RASEF: variants seen among roughly 807,000 people sequenced by gnomAD.
RASEF encodes the protein RAS and EF-hand domain containing, also known as ras and EF-hand domain-containing protein.
In RASEF, 68 loss-of-function variants were observed where a neutral mutation model predicts 90.1. The observed-to-expected ratio is 0.75, with a 90% CI of 0.62 to 0.92. RASEF has a LOEUF of 0.92. RASEF is among the 40% of genes least tolerant of loss of function. RASEF has a pLI of 0.00. For synonymous variants in RASEF, 331 were observed against 345.2 expected, an observed-to-expected ratio of 0.96 and a Z score of 0.46; for missense variants, 949 against 937.2, an observed-to-expected ratio of 1.01 and a Z score of -0.16.
At chr9:83,191,258 C>T in the RASEF span, among the ~76,000 whole-genome samples, 2 of 152,300 alleles carry the variant, frequency 1.3e-5, no homozygotes, top group African/African-American at 4.8e-5. Flanking sequence ...CTTTCAATCA[C>T]TGAGAAAACC....
chr9:83,035,736 T>C (rs1829729589), intron 1 of RASEF, among the ~76,000 whole-genome samples: 1 of 151,498 alleles, frequency 6.6e-6, no homozygotes, highest in South Asian at 2.1e-4. Flanking sequence ...AAAATATTTC[T>C]ACTTTGGCAA....
chr9:83,139,592 C>A, the RASEF span, among the ~76,000 whole-genome samples: 4,108 of 152,080 alleles, frequency 0.027, 194 homozygotes, highest in African/African-American at 0.095. Context: ...CACTTGTCAT[C>A]TTCACAATGA....
At chr9:83,014,046 A>G (rs1829298995) in intron 4 of RASEF, among the ~76,000 whole-genome samples, 1 of 152,178 alleles carries the variant, frequency 6.6e-6, no homozygotes. Flanking sequence ...TCTTGTAGAC[A>G]TTCCTTTAAA....
At chr9:83,181,071 C>T in the RASEF span, among the ~76,000 whole-genome samples, 16 of 150,286 alleles carry the variant, frequency 1.1e-4, no homozygotes, top group African/African-American at 3.9e-4. Context: ...TTAGGCACCC[C>T]TTTTACTCTC....
In RASEF at chr9:82,982,640, G is replaced by T; in HGVS notation, c.*37C>A. ...ATAAGTCACACAAATTCAGTATTCTGGAAATGAAGACTTCACAGGCCAAGG... is the reference window on the plus strand; with the variant it reads ...ATAAGTCACACAAATTCAGTATTCTTGAAATGAAGACTTCACAGGCCAAGG... On this transcript the variant is annotated 3_prime_UTR_variant, in exon 17 of 17. Coordinates refer to ENST00000376447, the MANE Select transcript of RASEF (RefSeq NM_152573.4). 9.0e-7 allele frequency: 1 copy of T among 1,116,512 alleles called. No homozygotes were observed. The highest frequency in any genetic ancestry group is 1.4e-6 in the Non-Finnish European group (1 of 726,146). 69.2% of individuals were successfully genotyped at this position (1,116,512 alleles called of 1,614,324 possible). A position where few individuals can be genotyped will look rare whatever the true frequency, so the allele number is the denominator to read the frequency against.
chr9:83,129,182 G>A, the RASEF span, among the ~76,000 whole-genome samples: 3 of 151,956 alleles, frequency 2.0e-5, no homozygotes, highest in South Asian at 4.2e-4. Flanking sequence ...TGAGGTGGGC[G>A]GATCACAGGG....
intron 9 of RASEF, among the ~76,000 whole-genome samples, chr9:83,001,856 C>T (rs928520109): frequency 6.6e-6 from 1 of 152,162 alleles, no homozygotes; most frequent in African/African-American, 2.4e-5. Flanking sequence ...TTTTCTGCCA[C>T]TAAATGTTGA....
chr9:83,196,562 A>AAC, the RASEF span, among the ~76,000 whole-genome samples: 1 of 152,080 alleles, frequency 6.6e-6, no homozygotes, highest in Non-Finnish European at 1.5e-5. Flanking sequence ...TGCTTGCTGA[A>AAC]TCTCCTGCTG....
the RASEF span, among the ~76,000 whole-genome samples, chr9:83,117,917 T>C: frequency 6.6e-6 from 1 of 152,310 alleles, no homozygotes; most frequent in South Asian, 2.1e-4. Context: ...GTGGCAGAAA[T>C]GTTTTCAACA....
At position 83,009,710 on chromosome 9, in the gene RASEF, A is replaced by G. The variant is rs765702706; in HGVS notation, c.890T>C (p.Ile297Thr). ...KKDLLEAQTNIAFLQSELDAL... is the reference protein window; with the variant it reads ...KKDLLEAQTNTAFLQSELDAL... ...ATCTAACTCACTCTGAAGAAAGGCT[A>G]TGTTTGTCTGTGCTTCTAAAAGGTC... Residue 297 changes from isoleucine to threonine, a missense_variant, in exon 6 of 17, where the codon ATA (isoleucine) becomes ACA (threonine). Physicochemically the swap from Ile to Thr is moderately conservative, Grantham distance 89. Coordinates refer to ENST00000376447, the MANE Select transcript of RASEF (RefSeq NM_152573.4). 6.2e-6 allele frequency: 10 copies of G among 1,613,648 alleles called. No homozygotes were observed. The highest frequency in any genetic ancestry group is 8.5e-6 in the Non-Finnish European group (10 of 1,179,686).
At chr9:83,149,678 T>G in the RASEF span, among the ~76,000 whole-genome samples, 1 of 152,088 alleles carries the variant, frequency 6.6e-6, no homozygotes, top group Non-Finnish European at 1.5e-5. Context: ...ATCTCAACTC[T>G]GGCCACCCCA....
At chr9:83,184,147 G>A in the RASEF span, among the ~76,000 whole-genome samples, 4 of 152,184 alleles carry the variant, frequency 2.6e-5, no homozygotes, top group East Asian at 1.9e-4. Flanking sequence ...AAGGAATGAC[G>A]TTCTTGTCAA....
the RASEF span, among the ~76,000 whole-genome samples, chr9:83,100,008 T>C: frequency 2.0e-5 from 3 of 152,328 alleles, no homozygotes; most frequent in South Asian, 6.2e-4. Context: ...ATTATGTACA[T>C]ATTGTTAATT....
the RASEF span, among the ~76,000 whole-genome samples, chr9:83,165,633 A>G: frequency 1.3e-5 from 2 of 152,144 alleles, no homozygotes; most frequent in African/African-American, 4.8e-5. Context: ...TAAGGAAAAC[A>G]CACGAAATCA....
chr9:83,119,552 T>C, the RASEF span, among the ~76,000 whole-genome samples: 1 of 152,160 alleles, frequency 6.6e-6, no homozygotes, highest in Non-Finnish European at 1.5e-5. Context: ...CCACATCAAG[T>C]ACACCACTGG....
chr9:83,000,124 T>C (rs1829000253), intron 12 of RASEF, 45 bp downstream of exon 12: 1 of 1,581,366 alleles, frequency 6.3e-7, no homozygotes, highest in Non-Finnish European at 8.6e-7. Flanking sequence ...AAAATCAAGC[T>C]AAGGAAGGTC....
chr9:83,106,633 A>G, the RASEF span, among the ~76,000 whole-genome samples: 1 of 152,176 alleles, frequency 6.6e-6, no homozygotes, highest in Non-Finnish European at 1.5e-5. Context: ...TTTGTGTCCC[A>G]TCAGCCACCT....
chr9:82,999,984 GACACACACACACACACACACAC>G (rs55873985), intron 12 of RASEF, among the ~76,000 whole-genome samples, 163 bp downstream of exon 12: 20 of 141,020 alleles, frequency 1.4e-4, no homozygotes, highest in South Asian at 7.1e-4. Flanking sequence ...TAGACTAGGA[GACACACACACACACACACACAC>G]ACACACACAC....
the RASEF span, among the ~76,000 whole-genome samples, chr9:83,110,471 T>C: frequency 6.6e-6 from 1 of 152,098 alleles, no homozygotes; most frequent in African/African-American, 2.4e-5. Flanking sequence ...AACCTAATAT[T>C]ATAATCTCTT....
Sources: gnomAD v4.1 joint callset for allele counts (sites outside exome capture counted in the v4.1 genomes callset) on GRCh38, gnomAD v4.1.1 for gene constraint, MANE v1.5 for transcripts, NCBI Gene and HGNC (gene_info 2026-07-23, HGNC 2026-07-21) for gene names.